Variants in CATSPER3 observed in about 807,000 individuals in gnomAD.
CATSPER3 encodes the protein cation channel sperm-associated protein 3.
CATSPER3 carries 23 observed loss-of-function variants against 36.6 expected under a neutral mutation model. The ratio of observed to expected loss-of-function variants is 0.63; its 90% CI spans 0.45 to 0.89. The LOEUF (loss-of-function observed/expected upper bound fraction) is 0.89, where lower values mean the gene tolerates loss of function less well. Among genes scored for constraint, CATSPER3 ranks in the 40% least tolerant of loss-of-function variants. The pLI is 0.00. For missense variants in CATSPER3, 474 were observed against 503.9 expected (o/e 0.94, Z 0.57); for synonymous variants, 172 against 184.1 (o/e 0.93, Z 0.53).
chr5:135,001,625 G>A (rs1409364563), intron 3 of CATSPER3, among the ~76,000 whole-genome samples: 3 of 152,160 alleles, frequency 2.0e-5, no homozygotes, highest in Non-Finnish European at 4.4e-5. Flanking sequence ...CTAAGGACTT[G>A]CTTTATGAAT....
At chr5:135,000,797 T>G (rs1375374243) in intron 3 of CATSPER3, among the ~76,000 whole-genome samples, 2 of 152,232 alleles carry the variant, frequency 1.3e-5, no homozygotes, top group Admixed American at 1.3e-4. Flanking sequence ...TGTGTCTATT[T>G]GATTCTTCTC....
At chr5:134,980,341 C>G (rs1751735019) in intron 2 of CATSPER3, among the ~76,000 whole-genome samples, 1 of 146,040 alleles carries the variant, frequency 6.8e-6, no homozygotes, top group East Asian at 2.2e-4. Flanking sequence ...TTTTTTCTTT[C>G]CCTCCTCCCT....
chr5:134,997,335 T>C (rs1043753482), intron 3 of CATSPER3, among the ~76,000 whole-genome samples: 3 of 152,224 alleles, frequency 2.0e-5, no homozygotes, highest in African/African-American at 7.2e-5. Context: ...CCCTGCTGCA[T>C]ACACACCTTT....
chr5:134,990,243 A>G (rs556453023), intron 2 of CATSPER3, among the ~76,000 whole-genome samples: 231 of 152,290 alleles, frequency 1.5e-3, no homozygotes, highest in African/African-American at 5.4e-3. Context: ...GGTGGTCAGA[A>G]CACAGTTTGG....
intron 2 of CATSPER3, among the ~76,000 whole-genome samples, chr5:134,979,123 G>A (rs1274521619): frequency 6.6e-6 from 1 of 151,896 alleles, no homozygotes; most frequent in Non-Finnish European, 1.5e-5. Context: ...CTGGTCCTTG[G>A]TTCCAGAGCA....
chr5:135,011,469 C>A, intron 7 of CATSPER3, 52 bp from the exon 8 acceptor site: 1 of 1,407,278 alleles, frequency 7.1e-7, no homozygotes, highest in Non-Finnish European at 1.0e-6. Context: ...CCAGGGGGTC[C>A]TGGAGCCTGC....
At position 134,995,937 on chromosome 5, in the gene CATSPER3, C is replaced by T. The variant is rs1751939616; in HGVS notation, c.253-336C>T. 7.7e-6 allele frequency: 3 copies of T among 391,086 alleles called. No individual in the cohort carries two copies. The South Asian group carries it at 8.0e-5, about 10-fold the overall frequency. The allele number at this position is 391,086 out of a possible 1,614,324, so 24.2% of individuals were successfully genotyped here. A position where few individuals can be genotyped will look rare whatever the true frequency, so the allele number is the denominator to read the frequency against. On this transcript the variant is annotated intron_variant, in intron 2 of 7. Transcript: ENST00000282611. Reference sequence around the variant, plus strand: ...TAAAAGTTTGTATATTCATGTTGGTCAGAAAACTCTTGGGACCTTCCCTTG... The same window carrying T: ...TAAAAGTTTGTATATTCATGTTGGTTAGAAAACTCTTGGGACCTTCCCTTG...
intron 7 of CATSPER3, among the ~76,000 whole-genome samples, chr5:135,010,774 G>T (rs1161208493): frequency 1.3e-5 from 2 of 152,178 alleles, no homozygotes; most frequent in African/African-American, 4.8e-5. Flanking sequence ...TGACTTGTAT[G>T]TAAATGCCAG....
At chr5:134,977,418 A>G (rs1464524891) in intron 2 of CATSPER3, among the ~76,000 whole-genome samples, 1 of 152,212 alleles carries the variant, frequency 6.6e-6, no homozygotes, top group Admixed American at 6.5e-5. Flanking sequence ...GGATATGGAA[A>G]CAATGCAACC....
intron 2 of CATSPER3, among the ~76,000 whole-genome samples, chr5:134,973,916 G>A (rs986381416): frequency 2.0e-5 from 3 of 152,182 alleles, no homozygotes; most frequent in Non-Finnish European, 4.4e-5. Context: ...TTAAGGGAAA[G>A]AGTCAAGCAT....
chr5:135,010,329 G>A, intron 6 of CATSPER3, 44 bp from the exon 7 acceptor site: 2 of 1,581,674 alleles, frequency 1.3e-6, no homozygotes, highest in Non-Finnish European at 1.7e-6. Flanking sequence ...CAGCTCGGCT[G>A]TCACCTCCTC....
chr5:135,010,629 C>A, intron 7 of CATSPER3, 99 bp downstream of exon 7: 2 of 1,050,556 alleles, frequency 1.9e-6, no homozygotes, highest in Non-Finnish European at 3.0e-6. Context: ...GACTGAAGTG[C>A]TGATGGGCAG....
intron 3 of CATSPER3, among the ~76,000 whole-genome samples, chr5:135,006,248 G>T (rs2149553113): frequency 6.6e-6 from 1 of 152,228 alleles, no homozygotes; most frequent in East Asian, 1.9e-4. Context: ...TCCTTTATGG[G>T]GCTCCCAGGA....
chr5:134,977,089 CT>C, intron 2 of CATSPER3, among the ~76,000 whole-genome samples: 1 of 152,202 alleles, frequency 6.6e-6, no homozygotes, highest in East Asian at 1.9e-4. Context: ...TCCCCATTGT[CT>C]TGGTTATTAG....
At chr5:135,011,085 A>G (rs1752175133) in intron 7 of CATSPER3, among the ~76,000 whole-genome samples, 2 of 152,176 alleles carry the variant, frequency 1.3e-5, no homozygotes, top group Admixed American at 1.3e-4. Context: ...GGGCATCAGG[A>G]GCTACGGTGG....
At chr5:134,971,796 G>A (rs929639448) in intron 2 of CATSPER3, among the ~76,000 whole-genome samples, 1 of 152,088 alleles carries the variant, frequency 6.6e-6, no homozygotes, top group Non-Finnish European at 1.5e-5. Context: ...AAATTGAGCA[G>A]GTTAGAGACA....
chr5:134,995,304 G>C (rs1260708224), intron 2 of CATSPER3, among the ~76,000 whole-genome samples: 1 of 151,668 alleles, frequency 6.6e-6, no homozygotes, highest in Non-Finnish European at 1.5e-5. Context: ...CCTGGCCTCT[G>C]GTAACCACTA....
Position 135,010,404 on chromosome 5 carries a change from T to C in CATSPER3, c.968T>C (p.Leu323Pro). 6.2e-7 allele frequency: 1 copy of C among 1,614,196 alleles called. No homozygotes were observed. Among genetic ancestry groups the C allele is most frequent in the Non-Finnish European group, 8.5e-7 (1 of 1,179,992 alleles). ...GCTGACTGCACAAGTTTCAGTGAGCTGGTGGAGAACTTTAAGAAGACCTTG... is the reference window on the plus strand; with the variant it reads ...GCTGACTGCACAAGTTTCAGTGAGCCGGTGGAGAACTTTAAGAAGACCTTG... ...KNADCTSFSELVENFKKTLSH... is the reference protein window; with the variant it reads ...KNADCTSFSEPVENFKKTLSH... Residue 323 changes from leucine (L) to proline (P), a missense_variant, in exon 7 of 8, where the codon CTG (leucine) becomes CCG (proline). Coordinates refer to ENST00000282611, the MANE Select transcript of CATSPER3 (RefSeq NM_178019.3).
intron 5 of CATSPER3, 125 bp from the exon 6 acceptor site, chr5:135,009,246 C>A: frequency 2.8e-6 from 3 of 1,089,872 alleles, no homozygotes; most frequent in Non-Finnish European, 4.2e-6. Context: ...TGGCGGCTGG[C>A]CCTGTGTGGG....
Sources: gnomAD v4.1 joint callset for allele counts (sites outside exome capture counted in the v4.1 genomes callset) on GRCh38, gnomAD v4.1.1 for gene constraint, MANE v1.5 for transcripts, NCBI Gene and HGNC (gene_info 2026-07-23, HGNC 2026-07-21) for gene names.